FHIT: variants seen among roughly 807,000 people sequenced by gnomAD.
FHIT encodes fragile histidine triad diadenosine triphosphatase.
FHIT carries 19 observed loss-of-function variants against 17.9 expected under a neutral mutation model. The observed-to-expected ratio is 1.06, with a 90% CI of 0.74 to 1.56. The LOEUF (loss-of-function observed/expected upper bound fraction) is 1.56, where lower values mean the gene tolerates loss of function less well. Ranked by LOEUF, FHIT falls within the 40% of genes most tolerant of loss-of-function variation. The probability of loss-of-function intolerance (pLI) is 0.00; values close to 1 mark genes in which losing one functional copy is unlikely to be tolerated. For missense variants in FHIT, 248 were observed against 189.2 expected, an observed-to-expected ratio of 1.31 and a Z score of -1.82; for synonymous variants, 81 against 69.7, an observed-to-expected ratio of 1.16 and a Z score of -0.81.
chr3:60,070,195 T>A (rs1176968720), intron 5 of FHIT, among the ~76,000 whole-genome samples: 2 of 152,120 alleles, frequency 1.3e-5, no homozygotes, highest in Non-Finnish European at 2.9e-5. Flanking sequence ...ACTCACCAGG[T>A]AGGTGAGTAT....
chr3:59,942,108 C>T (rs1304342858), intron 7 of FHIT, among the ~76,000 whole-genome samples: 1 of 152,126 alleles, frequency 6.6e-6, no homozygotes, highest in Non-Finnish European at 1.5e-5. Flanking sequence ...ATTCACATCG[C>T]CACCCTGACA....
chr3:60,274,865 C>T (rs1306315073), intron 5 of FHIT, among the ~76,000 whole-genome samples: 1 of 152,076 alleles, frequency 6.6e-6, no homozygotes, highest in Non-Finnish European at 1.5e-5. Flanking sequence ...GCAAATTTAG[C>T]ATGGATAATT....
At chr3:60,903,953 C>T (rs975657918) in intron 3 of FHIT, among the ~76,000 whole-genome samples, 61 of 152,266 alleles carry the variant, frequency 4.0e-4, no homozygotes, top group African/African-American at 1.5e-3. Context: ...AAAGACAGGC[C>T]TAGCCCTTTT....
In FHIT at chr3:61,242,171, T is replaced by C. The variant is rs181258553; in HGVS notation, c.-213+9130A>G. Among the ~76,000 whole-genome samples the C allele has an allele frequency of 8.6e-4, 131 of 152,242 alleles. 2 individuals carry two copies. The highest frequency in any genetic ancestry group is 1.6e-3 in the Non-Finnish European group (106 of 68,024). On this transcript the variant is annotated intron_variant, in intron 1 of 9. Coordinates refer to ENST00000492590, the MANE Select transcript of FHIT (RefSeq NM_002012.4). ...ATTTTCTATGAGTCAGAAAAACAACTTTCCAAAGGAAAGGGTCTGAAAGGG... is the reference window on the plus strand; with the variant it reads ...ATTTTCTATGAGTCAGAAAAACAACCTTCCAAAGGAAAGGGTCTGAAAGGG...
At chr3:60,529,797 A>G (rs1685293345) in intron 5 of FHIT, among the ~76,000 whole-genome samples, 1 of 152,226 alleles carries the variant, frequency 6.6e-6, no homozygotes, top group Admixed American at 6.5e-5. Context: ...GCAACATAAG[A>G]AATATTTGAA....
chr3:60,141,016 G>A (rs1700018902), intron 5 of FHIT, among the ~76,000 whole-genome samples: 1 of 152,112 alleles, frequency 6.6e-6, no homozygotes, highest in Non-Finnish European at 1.5e-5. Context: ...GAAATTCAAA[G>A]TTTTAAGTTT....
At chr3:60,310,702 G>C (rs1422944023) in intron 5 of FHIT, among the ~76,000 whole-genome samples, 2 of 151,976 alleles carry the variant, frequency 1.3e-5, no homozygotes, top group Non-Finnish European at 2.9e-5. Context: ...ACACAGATTA[G>C]AGGAAAGAAA....
chr3:60,480,727 G>A (rs911175823), intron 5 of FHIT, among the ~76,000 whole-genome samples: 1 of 152,194 alleles, frequency 6.6e-6, no homozygotes, highest in African/African-American at 2.4e-5. Flanking sequence ...TGCTCATGCA[G>A]GAAGAGGGAT....
chr3:60,567,583 A>C (rs1238124404), intron 4 of FHIT, among the ~76,000 whole-genome samples: 7 of 150,876 alleles, frequency 4.6e-5, no homozygotes, highest in Admixed American at 4.6e-4. Context: ...AAGCAATGGC[A>C]ACAAAAGCCA....
At chr3:60,988,869 G>A (rs752239396) in intron 3 of FHIT, among the ~76,000 whole-genome samples, 4 of 130,702 alleles carry the variant, frequency 3.1e-5, no homozygotes, top group African/African-American at 5.7e-5. Flanking sequence ...TCAATGCACT[G>A]TGTAGAATAT....
At chr3:60,775,447 G>T (rs1482121493) in intron 4 of FHIT, among the ~76,000 whole-genome samples, 1 of 152,050 alleles carries the variant, frequency 6.6e-6, no homozygotes, top group Non-Finnish European at 1.5e-5. Flanking sequence ...AGCTGTGGGC[G>T]GGAAGTGCTC....
chr3:60,536,730 T>G (rs1363006056), intron 5 of FHIT, 130 bp downstream of exon 5: 6 of 933,560 alleles, frequency 6.4e-6, no homozygotes, highest in Non-Finnish European at 9.0e-6. Flanking sequence ...GTCTCCGAAG[T>G]GGGAGGGAGA....
At chr3:60,072,447 TCAA>T (rs1262328010) in intron 5 of FHIT, among the ~76,000 whole-genome samples, 1 of 138,054 alleles carries the variant, frequency 7.2e-6, no homozygotes, top group African/African-American at 2.9e-5. Context: ...CAAAACATCG[TCAA>T]CAACAACAAA....
In FHIT at chr3:60,802,587, T is replaced by G. The variant is rs140221484; in HGVS notation, c.-18+19332A>C. Among the ~76,000 whole-genome samples the G allele has an allele frequency of 1.8e-4, 28 of 152,336 alleles. No individual in the cohort carries two copies. In the East Asian group the frequency reaches 5.2e-3, roughly 28 times the overall value. Reference sequence around the variant, plus strand: ...TTTTCAAAATGTCCTTCATCCTCGATTTTGCCTCAATATTTGTTTTTTTGT... The same window carrying G: ...TTTTCAAAATGTCCTTCATCCTCGAGTTTGCCTCAATATTTGTTTTTTTGT... On this transcript the variant is annotated intron_variant, in intron 4 of 9. Transcript: ENST00000492590.
At chr3:60,130,647 C>A (rs1188729439) in intron 5 of FHIT, among the ~76,000 whole-genome samples, 3 of 112 alleles carry the variant, frequency 0.027, no homozygotes. Flanking sequence ...AAAGAAACAC[C>A]CCACATTGTT....
chr3:60,049,860 T>C (rs757414344), intron 5 of FHIT, among the ~76,000 whole-genome samples: 25 of 152,210 alleles, frequency 1.6e-4, no homozygotes, highest in Non-Finnish European at 2.4e-4. Flanking sequence ...TTTTACTTCA[T>C]TCTCTTATCA....
At chr3:60,283,751 T>G (rs989956964) in intron 5 of FHIT, among the ~76,000 whole-genome samples, 4 of 152,062 alleles carry the variant, frequency 2.6e-5, no homozygotes, top group African/African-American at 4.8e-5. Context: ...GTAAAGAAAT[T>G]AAGTGTAAAA....
chr3:60,702,120 TC>T (rs1559651255), intron 4 of FHIT, among the ~76,000 whole-genome samples: 1 of 152,174 alleles, frequency 6.6e-6, no homozygotes, highest in Non-Finnish European at 1.5e-5. Context: ...CATCTTGGCC[TC>T]CCAAAATGCT....
At chr3:60,651,306 A>G (rs1553688222) in intron 4 of FHIT, among the ~76,000 whole-genome samples, 1 of 152,140 alleles carries the variant, frequency 6.6e-6, no homozygotes, top group African/African-American at 2.4e-5. Flanking sequence ...GTTCCTACCA[A>G]AAGTACATAG....
Sources: allele counts gnomAD v4.1 joint callset (sites outside exome capture counted in the v4.1 genomes callset), GRCh38; gene constraint gnomAD v4.1.1; transcripts MANE v1.5; gene names NCBI Gene and HGNC (gene_info 2026-07-23, HGNC 2026-07-21).